DAB1: variants seen among roughly 807,000 people sequenced by gnomAD.
DAB1 encodes DAB adaptor protein 1, also known as disabled homolog 1.
Under a neutral mutation model 64.6 loss-of-function variants are expected in DAB1, and 15 were observed. That is an observed-to-expected ratio of 0.23 (90% CI 0.16 to 0.36). DAB1 has a LOEUF of 0.36. DAB1 is among the 10% of genes least tolerant of loss of function. The pLI is 1.00. For missense variants in DAB1, 596 were observed against 706.7 expected (o/e 0.84, Z 1.78); for synonymous variants, 235 against 251.9 (o/e 0.93, Z 0.64).
intron 5 of DAB1, among the ~76,000 whole-genome samples, chr1:58,131,769 C>A (rs1190578542): frequency 6.7e-6 from 1 of 148,400 alleles, no homozygotes; most frequent in Admixed American, 6.7e-5. Flanking sequence ...TTAGGCTGCT[C>A]GGGGGTCAGG....
chr1:58,539,953 A>G (rs189098235), intron 1 of DAB1, among the ~76,000 whole-genome samples: 7 of 152,274 alleles, frequency 4.6e-5, no homozygotes, highest in Admixed American at 1.3e-4. Context: ...ATAACTCTAG[A>G]GTTCTGCAGA....
chr1:57,099,461 G>A (rs1330310673), intron 4 of DAB1, among the ~76,000 whole-genome samples: 1 of 152,176 alleles, frequency 6.6e-6, no homozygotes, highest in Non-Finnish European at 1.5e-5. Context: ...AATGTTTGTT[G>A]AACAGTAAAT....
chr1:58,139,512 G>C (rs1209546656), intron 5 of DAB1, among the ~76,000 whole-genome samples: 8 of 152,154 alleles, frequency 5.3e-5, no homozygotes, highest in African/African-American at 1.9e-4. Flanking sequence ...ATCAGATCTT[G>C]TGAGAACTCA....
chr1:57,940,326 AG>A (rs1645085079), intron 5 of DAB1, among the ~76,000 whole-genome samples: 1 of 152,218 alleles, frequency 6.6e-6, no homozygotes, highest in Admixed American at 6.5e-5. Flanking sequence ...AGGAAGATAC[AG>A]TTTTTGCTGA....
chr1:58,127,674 A>T (rs1231016336), intron 5 of DAB1, among the ~76,000 whole-genome samples: 6 of 152,226 alleles, frequency 3.9e-5, no homozygotes, highest in Non-Finnish European at 8.8e-5. Context: ...AGCTTTCTAC[A>T]TATGGCTAGC....
At chr1:57,425,568 G>C (rs903311565), upstream of DAB1, among the ~76,000 whole-genome samples, 1 of 152,142 alleles carries the variant, frequency 6.6e-6, no homozygotes, top group African/African-American at 2.4e-5. Context: ...CATAATAACA[G>C]CTTCCGTACA....
At chr1:58,533,321 G>A (rs1056488757) in intron 1 of DAB1, among the ~76,000 whole-genome samples, 19 of 152,042 alleles carry the variant, frequency 1.2e-4, no homozygotes, top group South Asian at 4.1e-4. Flanking sequence ...GTCCCAGTTC[G>A]GTTACTTTGT....
intron 7 of DAB1, among the ~76,000 whole-genome samples, chr1:57,430,000 A>AT (rs1318470482): frequency 4.0e-5 from 6 of 151,886 alleles, no homozygotes; most frequent in Admixed American, 1.3e-4. Context: ...ACATTCTAGG[A>AT]TTTTTTTTCT....
At chr1:57,854,556 T>A in intron 1 of DAB1, among the ~76,000 whole-genome samples, 1 of 152,168 alleles carries the variant, frequency 6.6e-6, no homozygotes, top group Non-Finnish European at 1.5e-5. Flanking sequence ...AGTAAGCAAT[T>A]TGTCCAAGAT....
At chr1:57,325,806 C>T (rs916541326) in intron 1 of DAB1, among the ~76,000 whole-genome samples, 6 of 152,302 alleles carry the variant, frequency 3.9e-5, no homozygotes, top group African/African-American at 1.4e-4. Context: ...CCACACAGAA[C>T]ACATTCCTTC....
At chr1:58,433,821 C>T (rs542218693) in intron 3 of DAB1, among the ~76,000 whole-genome samples, 1 of 152,290 alleles carries the variant, frequency 6.6e-6, no homozygotes, top group African/African-American at 2.4e-5. Flanking sequence ...GGTCCAACCT[C>T]TCCACATTGT....
intron 5 of DAB1, among the ~76,000 whole-genome samples, chr1:58,037,764 C>A (rs1233872432): frequency 6.6e-6 from 1 of 152,144 alleles, no homozygotes; most frequent in Non-Finnish European, 1.5e-5. Flanking sequence ...TGGTACCACA[C>A]CCTTGCTTAC....
intron 7 of DAB1, among the ~76,000 whole-genome samples, chr1:57,608,170 CAT>C (rs768390117): frequency 3.3e-5 from 5 of 152,224 alleles, no homozygotes; most frequent in African/African-American, 9.6e-5. Flanking sequence ...TATACATACA[CAT>C]ATGACATGTA....
intron 4 of DAB1, among the ~76,000 whole-genome samples, chr1:58,166,950 T>C (rs1570438327): frequency 6.6e-6 from 1 of 151,858 alleles, no homozygotes; most frequent in Non-Finnish European, 1.5e-5. Flanking sequence ...TTTCACCATG[T>C]TGACCAGGCT....
intron 3 of DAB1, among the ~76,000 whole-genome samples, chr1:58,374,038 C>G (rs1302613425): frequency 1.7e-5 from 1 of 60,238 alleles, no homozygotes; most frequent in African/African-American, 5.2e-5. Context: ...TTGTTTTTTT[C>G]TTGTAAATTT....
intron 4 of DAB1, among the ~76,000 whole-genome samples, chr1:58,185,780 A>G (rs771341964): frequency 9.9e-5 from 15 of 152,246 alleles, no homozygotes; most frequent in Middle Eastern, 6.8e-3. Context: ...AGAAGTAATG[A>G]AGCTCTTAAA....
At chr1:57,912,064 G>T (rs1433571549) in intron 5 of DAB1, among the ~76,000 whole-genome samples, 1 of 152,200 alleles carries the variant, frequency 6.6e-6, no homozygotes. Context: ...GATTAAGAAG[G>T]TTGTTTTAAA....
chr1:57,447,994 A>G (rs1407211502), intron 7 of DAB1, among the ~76,000 whole-genome samples: 1 of 152,208 alleles, frequency 6.6e-6, no homozygotes, highest in East Asian at 1.9e-4. Context: ...AAATAAATTA[A>G]TAAATAGGGA....
intron 4 of DAB1, among the ~76,000 whole-genome samples, chr1:57,109,693 C>G (rs1478306449): frequency 6.6e-6 from 1 of 152,176 alleles, no homozygotes; most frequent in Admixed American, 6.5e-5. Flanking sequence ...ATTGCTCACC[C>G]AACCCTCCTC....
Sources: gnomAD v4.1 joint callset for allele counts (sites outside exome capture counted in the v4.1 genomes callset) on GRCh38, gnomAD v4.1.1 for gene constraint, MANE v1.5 for transcripts, NCBI Gene and HGNC (gene_info 2026-07-23, HGNC 2026-07-21) for gene names.